Variants in LGALS9C observed in about 807,000 individuals in gnomAD.
LGALS9C encodes galectin-9C.
Under a neutral mutation model 41.3 loss-of-function variants are expected in LGALS9C, and 7 were observed. The observed-to-expected ratio is 0.17, with a 90% CI of 0.10 to 0.32. LGALS9C has a LOEUF of 0.32. Among genes scored for constraint, LGALS9C ranks in the 10% least tolerant of loss-of-function variants. The pLI is 1.00. For synonymous variants in LGALS9C, 44 were observed against 171.0 expected (o/e 0.26, Z 5.80); for missense variants, 102 against 455.2 (o/e 0.22, Z 7.06).
intron 8 of LGALS9C, chr17:18,492,214 C>A: frequency 2.0e-6 from 1 of 490,286 alleles, no homozygotes. Context: ...ATGGCCCTCC[C>A]TTTTCACCCC....
At chr17:18,484,369 G>A (rs1223945740) in intron 2 of LGALS9C, 3 of 260,188 alleles carry the variant, frequency 1.2e-5, no homozygotes, top group African/African-American at 2.2e-5. Flanking sequence ...ATTGACATCC[G>A]AAGTAATTTG....
intron 1 of LGALS9C, among the ~76,000 whole-genome samples, chr17:18,482,800 T>C (rs201603733): frequency 1.5e-5 from 2 of 131,178 alleles, no homozygotes; most frequent in East Asian, 3.9e-4. Flanking sequence ...AGCCATGAGA[T>C]AGAACTGTGC....
At chr17:18,482,479 AT>A (rs1989428816) in intron 1 of LGALS9C, among the ~76,000 whole-genome samples, 1 of 122,692 alleles carries the variant, frequency 8.2e-6, no homozygotes, top group South Asian at 2.5e-4. Flanking sequence ...TTGACAAAAG[AT>A]TTCCCCCAAG....
At chr17:18,487,319 A>AAAAT (rs200199444) in intron 3 of LGALS9C, among the ~76,000 whole-genome samples, 4,493 of 54,578 alleles carry the variant, frequency 0.082, 1 homozygote, top group African/African-American at 0.2. Flanking sequence ...AGTTGAAGGA[A>AAAAT]AAATAATAAA....
At chr17:18,487,064 C>T (rs1377944148) in intron 3 of LGALS9C, 5 of 160,122 alleles carry the variant, frequency 3.1e-5, no homozygotes, top group Non-Finnish European at 6.9e-5. Flanking sequence ...CACGGCGGCT[C>T]ACCCTTATAA....
rs550720442 is a variant in LGALS9C, at chr17:18,477,909, T to A, written c.39+1016T>A. The stretch of plus-strand genomic sequence containing the variant: ...GGCAGGGTGCTGAGGGCAGGGAAGC[T>A]GCCAGGGGCCACCTCAGCAGAGGCC... On this transcript the variant is annotated intron_variant, in intron 1 of 10. Transcript: ENST00000328114. Among the ~76,000 whole-genome samples the A allele has an allele frequency of 4.0e-3, 513 of 128,614 alleles. 97 individuals carry two copies. The highest frequency in any genetic ancestry group is 0.012 in the Middle Eastern group (3 of 254). 84.4% of individuals were successfully genotyped at this position (128,614 alleles called of 152,430 possible).
chr17:18,492,381 A>T, intron 8 of LGALS9C, 76 bp from the exon 9 acceptor site: 1 of 1,501,874 alleles, frequency 6.7e-7, no homozygotes, highest in South Asian at 1.2e-5. Flanking sequence ...ATTCATGGGA[A>T]CTGGTACAAT....
intron 7 of LGALS9C, among the ~76,000 whole-genome samples, chr17:18,491,646 T>C: frequency 6.9e-6 from 1 of 144,140 alleles, no homozygotes; most frequent in Non-Finnish European, 1.6e-5. Context: ...CCCCGGGATG[T>C]CACTACAGAT....
At chr17:18,487,397 C>T (rs1345393714) in intron 3 of LGALS9C, among the ~76,000 whole-genome samples, 4 of 47,354 alleles carry the variant, frequency 8.4e-5, no homozygotes, top group Non-Finnish European at 1.6e-4. Flanking sequence ...ATATGGCCTC[C>T]TAACCAGGCT....
chr17:18,492,377 G>A, intron 8 of LGALS9C, 80 bp from the exon 9 acceptor site: 1 of 1,495,170 alleles, frequency 6.7e-7, no homozygotes, highest in Non-Finnish European at 9.2e-7. Context: ...CTAAATTCAT[G>A]GGAACTGGTA....
Position 18,488,563 on chromosome 17 carries a change from C to T in LGALS9C, c.445-378C>T, listed in dbSNP as rs551153636. On this transcript the variant is annotated intron_variant, in intron 4 of 10. Transcript: ENST00000328114. ...ATTAGGGTATGCTGGGCCCACATTC[C>T]CACAGGGCACCGGCAGCTGGATGGG... is the stretch of plus-strand genomic sequence containing the variant. 6.6e-5 allele frequency among the ~76,000 whole-genome samples: 8 copies of T among 121,946 alleles called. No individual in the cohort carries two copies. In the East Asian group the frequency reaches 1.4e-3, roughly 21 times the overall value. 80.0% of individuals were successfully genotyped at this position (121,946 alleles called of 152,430 possible).
At chr17:18,490,590 GGCTT>G in intron 5 of LGALS9C, 139 bp from the exon 6 acceptor site, 1 of 534,230 alleles carries the variant, frequency 1.9e-6, no homozygotes, top group South Asian at 2.1e-5. Flanking sequence ...GGCTCAGGAA[GGCTT>G]GCTTGGGAGC....
At chr17:18,480,618 T>G (rs796706411) in intron 1 of LGALS9C, among the ~76,000 whole-genome samples, 6,806 of 53,770 alleles carry the variant, frequency 0.13, 19 homozygotes, top group South Asian at 0.15. Flanking sequence ...GTTTTCCTCT[T>G]TTTCTTTTTT....
At chr17:18,482,507 CAAAAAAAA>C (rs1166687895) in intron 1 of LGALS9C, among the ~76,000 whole-genome samples, 1 of 95,218 alleles carries the variant, frequency 1.1e-5, no homozygotes, top group Non-Finnish European at 2.6e-5. Flanking sequence ...GAAAGTTTTA[CAAAAAAAA>C]AAAAAAAAAA....
chr17:18,486,826 G>C (rs1228796342), intron 3 of LGALS9C: 2 of 148,884 alleles, frequency 1.3e-5, no homozygotes, highest in African/African-American at 5.0e-5. Context: ...TTATAAGTAG[G>C]AGCTGAACGA....
At chr17:18,477,169 G>C (rs1359591761) in intron 1 of LGALS9C, among the ~76,000 whole-genome samples, 10 of 133,688 alleles carry the variant, frequency 7.5e-5, no homozygotes, top group African/African-American at 2.5e-4. Flanking sequence ...AAGAGGTGTA[G>C]AGTGGGATGG....
Position 18,493,189 on chromosome 17 carries a change from TC to T in LGALS9C, c.924+331del, listed in dbSNP as rs563899187. On this transcript the variant is annotated intron_variant, in intron 10 of 10. Coordinates refer to ENST00000328114, the MANE Select transcript of LGALS9C (RefSeq NM_001040078.3). Reference sequence around the variant, plus strand: ...ACTGACTCATTCAACGATTTCACTGTCGCCCGCTTTGTGCAGGAAGCACTCC... The same window carrying T: ...ACTGACTCATTCAACGATTTCACTGTGCCCGCTTTGTGCAGGAAGCACTCC... 1.1e-4 allele frequency among the ~76,000 whole-genome samples: 13 copies of T among 121,544 alleles called. 3 individuals are homozygous for T. The South Asian group carries it at 3.4e-3, about 32-fold the overall frequency. 79.7% of individuals were successfully genotyped at this position (121,544 alleles called of 152,430 possible). A position where few individuals can be genotyped will look rare whatever the true frequency, so the allele number is the denominator to read the frequency against.
At chr17:18,484,495 C>G (rs1304839288) in intron 2 of LGALS9C, among the ~76,000 whole-genome samples, 1 of 148,030 alleles carries the variant, frequency 6.8e-6, no homozygotes, top group Non-Finnish European at 1.5e-5. Context: ...TGTCTGGGAA[C>G]AGAGAGGAGC....
At chr17:18,481,087 C>T (rs556366904) in intron 1 of LGALS9C, among the ~76,000 whole-genome samples, 2 of 129,732 alleles carry the variant, frequency 1.5e-5, no homozygotes, top group South Asian at 4.8e-4. Flanking sequence ...TCACACTCCT[C>T]ACTACACTCC....
Sources: gnomAD v4.1 joint callset for allele counts (sites outside exome capture counted in the v4.1 genomes callset) on GRCh38, gnomAD v4.1.1 for gene constraint, MANE v1.5 for transcripts, NCBI Gene and HGNC (gene_info 2026-07-23, HGNC 2026-07-21) for gene names.